The following SORCS1 variants were observed in gnomAD, a reference collection of about 807,000 sequenced individuals.
SORCS1 encodes the protein VPS10 domain-containing receptor SorCS1.
SORCS1 carries 60 observed loss-of-function variants against 146.1 expected under a neutral mutation model. The observed-to-expected ratio is 0.41, with a 90% CI of 0.33 to 0.51. SORCS1 has a LOEUF of 0.51. Among genes scored for constraint, SORCS1 ranks in the 20% least tolerant of loss-of-function variants. SORCS1 has a pLI of 0.21. For missense variants in SORCS1, 1,352 were observed against 1,487.6 expected (o/e 0.91, Z 1.50); for synonymous variants, 637 against 584.0 (o/e 1.09, Z -1.31).
intron 17 of SORCS1, among the ~76,000 whole-genome samples, chr10:106,660,104 A>T (rs1850612160): frequency 6.6e-6 from 1 of 152,156 alleles, no homozygotes; most frequent in South Asian, 2.1e-4. Flanking sequence ...TATCCTTGAG[A>T]GGAGATCAGA....
At chr10:107,119,851 C>T (rs625792) in intron 1 of SORCS1, among the ~76,000 whole-genome samples, 116,904 of 151,982 alleles carry the variant, frequency 0.77, 46,153 homozygotes, top group African/African-American at 0.94. Flanking sequence ...TGAGAGTATT[C>T]ATCATCCAAA....
chr10:106,667,082 T>C (rs1851218615), intron 17 of SORCS1: 2 of 152,308 alleles, frequency 1.3e-5, no homozygotes, highest in Non-Finnish European at 2.9e-5. Flanking sequence ...GACAAATTTA[T>C]GATTTTTTTT....
chr10:107,065,447 C>CTTTCTTTCTTTCTTTCTTTCTTTCTTTT (rs1554937440), intron 1 of SORCS1, among the ~76,000 whole-genome samples: 5 of 122,762 alleles, frequency 4.1e-5, no homozygotes, highest in Non-Finnish European at 7.2e-5. Flanking sequence ...TTCTTTCTTT[C>CTTTCTTTCTTTCTTTCTTTCTTTCTTTT]TTTTCTCTCT....
At chr10:106,895,377 T>G (rs10884370) in intron 2 of SORCS1, among the ~76,000 whole-genome samples, 73,075 of 151,932 alleles carry the variant, frequency 0.48, 18,312 homozygotes, top group African/African-American at 0.62. Flanking sequence ...TTGGGAGGCT[T>G]AGGTGGGCAG....
Position 106,629,259 on chromosome 10 carries a change from C to G in SORCS1, c.2605G>C (p.Val869Leu). The G allele has an allele frequency of 6.2e-7, 1 of 1,614,018 alleles. No individual in the cohort carries two copies. Among genetic ancestry groups the G allele is most frequent in the Non-Finnish European group, 8.5e-7 (1 of 1,179,954 alleles). ...YQNVGIFRVT[V>L]QVDNSLGSDS... Reference sequence around the variant, plus strand: ...GAACCCAGACTGTTGTCCACCTGCACGGTCACACGGAAAATGCCCACGTTC... The same window carrying G: ...GAACCCAGACTGTTGTCCACCTGCAGGGTCACACGGAAAATGCCCACGTTC... The change falls in exon 19 of 26, where the codon GTG becomes CTG. Residue 869 changes from valine (V) to leucine (L), a missense_variant. Physicochemically the swap from Val to Leu is conservative, Grantham distance 32 (BLOSUM62 1). This residue lies in a region of SORCS1 where 648 missense variants were observed against 793.8 expected (regional missense o/e 0.82). Transcript: ENST00000263054.
chr10:106,629,369 A>G lies in SORCS1; in HGVS notation c.2495T>C (p.Leu832Pro), dbSNP rs1848298354. The G allele has an allele frequency of 1.2e-6, 2 of 1,614,112 alleles. No homozygotes were observed. Among genetic ancestry groups the G allele is most frequent in the Non-Finnish European group, 1.7e-6 (2 of 1,179,986 alleles). The change falls in exon 19 of 26, where the codon CTC (leucine) becomes CCC (proline). Residue 832 changes from leucine to proline, a missense_variant. Physicochemically the swap from Leu to Pro is moderately conservative, Grantham distance 98. Coordinates refer to ENST00000263054, the MANE Select transcript of SORCS1 (RefSeq NM_052918.5). Reference protein sequence around the residue: ...QLEEGDVQRTLIQVDFGDGIA... With the variant: ...QLEEGDVQRTPIQVDFGDGIA... ...ACCATCGCCAAAGTCCACTTGGATG[A>G]GTGTCCGCTGAACATCACCCTGAAA... is the stretch of plus-strand genomic sequence containing the variant.
chr10:106,872,310 A>C (rs1292747064), intron 2 of SORCS1, among the ~76,000 whole-genome samples: 1 of 152,224 alleles, frequency 6.6e-6, no homozygotes, highest in Non-Finnish European at 1.5e-5. Flanking sequence ...AAGTGCAAGG[A>C]CACCAAGTCA....
chr10:106,963,584 G>A (rs1955362462), intron 1 of SORCS1, among the ~76,000 whole-genome samples: 1 of 151,840 alleles, frequency 6.6e-6, no homozygotes. Context: ...GGGGACCCAA[G>A]AATCCTTTAA....
intron 5 of SORCS1, among the ~76,000 whole-genome samples, chr10:106,753,527 A>T (rs542639334): frequency 1.4e-4 from 22 of 152,274 alleles, no homozygotes; most frequent in African/African-American, 5.1e-4. Flanking sequence ...ACGAGTCAGA[A>T]TCAGAGAGAG....
rs193141570 is a variant in SORCS1, at chr10:107,151,138, C to T, written c.558+12831G>A. 5.3e-5 allele frequency among the ~76,000 whole-genome samples: 8 copies of T among 152,234 alleles called. No homozygotes were observed. In the East Asian group the frequency reaches 1.5e-3, roughly 29 times the overall value. On this transcript the variant is annotated intron_variant, in intron 1 of 25. Coordinates refer to ENST00000263054, the MANE Select transcript of SORCS1 (RefSeq NM_052918.5). ...CTGGAACTTCTAGAGAATTGGAAGG[C>T]TCAGAAGAAGACAGGAAAATCTGGG...
At chr10:106,698,650 T>A (rs769657412) in intron 9 of SORCS1, among the ~76,000 whole-genome samples, 1 of 152,246 alleles carries the variant, frequency 6.6e-6, no homozygotes, top group Non-Finnish European at 1.5e-5. Context: ...CTGTTCTTGA[T>A]GTTGTAGTTG....
At chr10:106,797,167 T>A (rs918788317) in intron 3 of SORCS1, among the ~76,000 whole-genome samples, 10 of 152,226 alleles carry the variant, frequency 6.6e-5, no homozygotes, top group African/African-American at 2.2e-4. Flanking sequence ...TAACAACCAC[T>A]TTTTTACTTA....
intron 25 of SORCS1, chr10:106,578,905 A>C: frequency 1.4e-6 from 2 of 1,420,956 alleles, no homozygotes; most frequent in Non-Finnish European, 1.8e-6. Context: ...ACTAGATAGA[A>C]GCAAGAGGTT....
intron 1 of SORCS1, among the ~76,000 whole-genome samples, chr10:107,104,132 G>A (rs1965140411): frequency 6.6e-6 from 1 of 150,920 alleles, no homozygotes; most frequent in Non-Finnish European, 1.5e-5. Context: ...GAAATGTACT[G>A]CCAGTGCAAC....
At chr10:106,730,767 G>C (rs1856538837) in intron 5 of SORCS1, among the ~76,000 whole-genome samples, 1 of 152,092 alleles carries the variant, frequency 6.6e-6, no homozygotes, top group Non-Finnish European at 1.5e-5. Flanking sequence ...ATATTAAATA[G>C]AAAATAATTA....
chr10:106,610,836 T>TG (rs1400859791), intron 22 of SORCS1, among the ~76,000 whole-genome samples: 1 of 152,178 alleles, frequency 6.6e-6, no homozygotes, highest in African/African-American at 2.4e-5. Flanking sequence ...CCCAACACTT[T>TG]GGGAGGCCGG....
At position 107,139,852 on chromosome 10, in the gene SORCS1, T is replaced by G. The variant is rs373839439; in HGVS notation, c.558+24117A>C. Among the ~76,000 whole-genome samples the G allele has an allele frequency of 1.4e-4, 22 of 152,328 alleles. No individual in the cohort carries two copies. In the South Asian group the frequency reaches 4.6e-3, roughly 32 times the overall value. On this transcript the variant is annotated intron_variant, in intron 1 of 25. Transcript: ENST00000263054. Reference sequence around the variant, plus strand: ...TCCATGCACCTGGCCAAACACTAAGTGCTTCACGTATGTCCTCACCACACT... The same window carrying G: ...TCCATGCACCTGGCCAAACACTAAGGGCTTCACGTATGTCCTCACCACACT...
At chr10:107,022,782 G>C (rs773529815) in intron 1 of SORCS1, among the ~76,000 whole-genome samples, 2 of 152,170 alleles carry the variant, frequency 1.3e-5, no homozygotes, top group Non-Finnish European at 2.9e-5. Context: ...AGTGGTTCAG[G>C]GTTTAGGGTA....
intron 18 of SORCS1, among the ~76,000 whole-genome samples, chr10:106,631,368 C>T (rs1459474953): frequency 2.0e-5 from 3 of 152,358 alleles, no homozygotes; most frequent in South Asian, 2.1e-4. Flanking sequence ...TTCTTGCTGA[C>T]GTGTCCTTCA....
Sources: gnomAD v4.1 joint callset for allele counts (sites outside exome capture counted in the v4.1 genomes callset) on GRCh38, gnomAD v4.1.1 for gene constraint, gnomAD v4.1.1 regional missense constraint, MANE v1.5 for transcripts, NCBI Gene and HGNC (gene_info 2026-07-23, HGNC 2026-07-21) for gene names.